Variants in MACF1 observed in about 807,000 individuals in gnomAD.
MACF1 encodes microtubule actin crosslinking factor 1.
In MACF1, 193 loss-of-function variants were observed where a neutral mutation model predicts 854.8. That is an observed-to-expected ratio of 0.23 (90% CI 0.20 to 0.25). MACF1 has a LOEUF of 0.25. Among genes scored for constraint, MACF1 ranks in the 10% least tolerant of loss-of-function variants. The pLI, the probability that MACF1 is intolerant of heterozygous loss-of-function variation, is 1.00. For missense variants in MACF1, 7,722 were observed against 8,929.1 expected (o/e 0.86, Z 5.45); for synonymous variants, 3,185 against 3,226.7 (o/e 0.99, Z 0.44).
At chr1:39,302,362 C>T (rs1646066640) in intron 22 of MACF1, among the ~76,000 whole-genome samples, 2 of 151,808 alleles carry the variant, frequency 1.3e-5, no homozygotes, top group Non-Finnish European at 2.9e-5. Context: ...ATGTATTATA[C>T]AAAAGAATGA....
intron 95 of MACF1, among the ~76,000 whole-genome samples, chr1:39,467,013 T>C (rs576803447): frequency 6.6e-6 from 1 of 152,322 alleles, no homozygotes; most frequent in African/African-American, 2.4e-5. Flanking sequence ...ACCTCAGATA[T>C]CCTTTCTTGC....
rs374637458 is a variant in MACF1, at chr1:39,480,019, G to C, written c.22170+10G>C. 8 of 1,612,518 alleles carry C rather than the reference G, an allele frequency of 5.0e-6. No homozygotes were observed. In the African/African-American group the frequency reaches 1.1e-4, roughly 22 times the overall value. On this transcript the variant is annotated intron_variant, in intron 98 of 100. Coordinates refer to ENST00000564288, the MANE Select transcript of MACF1 (RefSeq NM_001394062.1). The stretch of plus-strand genomic sequence containing the variant: ...AGCCAGTGGAACCAAGGTATGTACT[G>C]ATCTCCATTATGCCCTTCTTCCCCA...
At chr1:39,481,917 T>A (rs1645019028) in intron 99 of MACF1, among the ~76,000 whole-genome samples, 1 of 152,206 alleles carries the variant, frequency 6.6e-6, no homozygotes, top group African/African-American at 2.4e-5. Context: ...AAAACTCCAG[T>A]TCAGAAATAT....
chr1:39,097,048 TGTATTTTTAGTAGAGACGGA>T (rs1445024186), intron 2 of MACF1, among the ~76,000 whole-genome samples: 2 of 152,002 alleles, frequency 1.3e-5, no homozygotes, highest in Non-Finnish European at 2.9e-5. Context: ...GGCTAATTTT[TGTATTTTTAGTAGAGACGGA>T]GTTTCACCAT....
intron 61 of MACF1, 123 bp from the exon 62 acceptor site, chr1:39,427,332 T>C: frequency 6.6e-6 from 5 of 757,406 alleles, no homozygotes; most frequent in Non-Finnish European, 1.1e-5. Context: ...ATAACGTGTG[T>C]TCTGTTTACT....
chr1:39,269,062 T>G lies in MACF1; in HGVS notation c.528+11034T>G, dbSNP rs74066725. The G allele has an allele frequency of 6.6e-3, 8,561 of 1,289,628 alleles. 383 individuals are homozygous for G. The African/African-American group carries it at 0.1, about 16-fold the overall frequency. The allele number at this position is 1,289,628 out of a possible 1,614,324, so 79.9% of individuals were successfully genotyped here. A position where few individuals can be genotyped will look rare whatever the true frequency, so the allele number is the denominator to read the frequency against. On this transcript the variant is annotated intron_variant, in intron 6 of 100. Transcript: ENST00000564288. ...GGGGAGGTCCAGACCGCCCACCTTTTGTTAGAGAATGAGTCATCAGTTGCT... is the reference window on the plus strand; with the variant it reads ...GGGGAGGTCCAGACCGCCCACCTTTGGTTAGAGAATGAGTCATCAGTTGCT...
At chr1:39,145,790 A>T (rs1643449955) in intron 2 of MACF1, among the ~76,000 whole-genome samples, 1 of 152,178 alleles carries the variant, frequency 6.6e-6, no homozygotes, top group Non-Finnish European at 1.5e-5. Context: ...TAGGAATTTC[A>T]TCTGTGTGTA....
chr1:39,470,658 T>C (rs1465868625), intron 97 of MACF1, among the ~76,000 whole-genome samples: 1 of 152,142 alleles, frequency 6.6e-6, no homozygotes, highest in East Asian at 1.9e-4. Context: ...AAAAAAGTAA[T>C]TTTGAAAACA....
intron 6 of MACF1, among the ~76,000 whole-genome samples, chr1:39,271,463 C>G (rs1252492744): frequency 6.6e-6 from 1 of 152,142 alleles, no homozygotes; most frequent in Non-Finnish European, 1.5e-5. Flanking sequence ...GATTCATGAT[C>G]CAGTCGTCTC....
chr1:39,412,994 C>A (rs1643092138), intron 58 of MACF1: 7 of 1,583,608 alleles, frequency 4.4e-6, no homozygotes, highest in Non-Finnish European at 6.0e-6. Context: ...GCTACTGTCC[C>A]AGCTGTTACA....
chr1:39,405,115 C>T (rs183330836), intron 58 of MACF1, among the ~76,000 whole-genome samples: 3 of 152,118 alleles, frequency 2.0e-5, no homozygotes, highest in Non-Finnish European at 2.9e-5. Flanking sequence ...CATGGGTTCA[C>T]GAGTACATGA....
rs559934449 is a variant in MACF1 at position 39,142,888 on chromosome 1, G to C, written c.220+58450G>C. The stretch of plus-strand genomic sequence containing the variant: ...GTTTTGGTCTCCTAGACACAGCTTG[G>C]GCCTCTCCAAGCCTGTTGGAGTGAT... On this transcript the variant is annotated intron_variant, in intron 2 of 93. Coordinates refer to the MACF1 transcript ENST00000361689. Among the ~76,000 whole-genome samples, 226 of 152,188 alleles carry C rather than the reference G, an allele frequency of 1.5e-3. 2 individuals are homozygous for C. Among genetic ancestry groups the C allele is most frequent in the African/African-American group, 5.3e-3 (218 of 41,512 alleles).
chr1:39,186,004 G>C (rs1189974309), intron 2 of MACF1, among the ~76,000 whole-genome samples: 1 of 152,084 alleles, frequency 6.6e-6, no homozygotes, highest in Non-Finnish European at 1.5e-5. Context: ...CTGAGCCCAA[G>C]ACTCGTACCT....
intron 99 of MACF1, among the ~76,000 whole-genome samples, chr1:39,483,105 AAAAAAAAC>A (rs60891509): frequency 0.044 from 5,884 of 133,746 alleles, 528 homozygotes; most frequent in African/African-American, 0.15. Flanking sequence ...AAAAAAAAAA[AAAAAAAAC>A]ACCCACACAT....
chr1:39,308,795 A>T (rs1646240969), intron 23 of MACF1, among the ~76,000 whole-genome samples: 4 of 151,992 alleles, frequency 2.6e-5, no homozygotes, highest in Non-Finnish European at 5.9e-5. Context: ...AGCTGAGATT[A>T]TAGGCATCTA....
At chr1:39,166,376 A>ATATT (rs997411272) in intron 2 of MACF1, among the ~76,000 whole-genome samples, 8 of 150,490 alleles carry the variant, frequency 5.3e-5, no homozygotes, top group Admixed American at 2.0e-4. Flanking sequence ...CTGGCACTAG[A>ATATT]TATTTATTTA....
chr1:39,463,776 GC>G, intron 94 of MACF1, 90 bp downstream of exon 94: 1 of 1,147,096 alleles, frequency 8.7e-7, no homozygotes, highest in South Asian at 1.3e-5. Flanking sequence ...GAGGCCCAGA[GC>G]CCATCGGACT....
chr1:39,458,545 G>C lies in MACF1; in HGVS notation c.21196+55G>C. On this transcript the variant is annotated intron_variant, in intron 90 of 100. Transcript: ENST00000564288. ...CTTCATTCCTGCTAATTGAGGATGA[G>C]CACTTTCCAAATGCCTATCAAAAAA... is the stretch of plus-strand genomic sequence containing the variant. The C allele has an allele frequency of 2.6e-6, 4 of 1,533,870 alleles. No individual in the cohort carries two copies. The South Asian group carries it at 5.0e-5, about 19-fold the overall frequency.
intron 97 of MACF1, among the ~76,000 whole-genome samples, chr1:39,474,551 C>T (rs4617393): frequency 0.6 from 90,319 of 151,698 alleles, 29,129 homozygotes; most frequent in South Asian, 0.78. Flanking sequence ...CAAAAATTAA[C>T]GGCCTGGTGG....
Sources: gnomAD v4.1 joint callset for allele counts (sites outside exome capture counted in the v4.1 genomes callset) on GRCh38, gnomAD v4.1.1 for gene constraint, MANE v1.5 for transcripts, NCBI Gene and HGNC (gene_info 2026-07-23, HGNC 2026-07-21) for gene names.